The following TESK2 variants were observed in gnomAD, a reference collection of about 807,000 sequenced individuals.
The protein encoded by TESK2 is dual specificity testis-specific protein kinase 2.
Under a neutral mutation model 57.1 loss-of-function variants are expected in TESK2, and 39 were observed. The ratio of observed to expected loss-of-function variants is 0.68; its 90% CI spans 0.53 to 0.89. The LOEUF (loss-of-function observed/expected upper bound fraction) is 0.89. TESK2 is among the 40% of genes least tolerant of loss of function. TESK2 has a pLI of 0.00. For synonymous variants in TESK2, 249 were observed against 267.9 expected, an observed-to-expected ratio of 0.93 and a Z score of 0.69; for missense variants, 646 against 732.1, an observed-to-expected ratio of 0.88 and a Z score of 1.36.
chr1:45,486,985 G>T (rs1204547119), intron 1 of TESK2, among the ~76,000 whole-genome samples: 1 of 151,574 alleles, frequency 6.6e-6, no homozygotes. Flanking sequence ...ACCACGCCCA[G>T]CTAATTTTTG....
chr1:45,348,097 C>A, intron 5 of TESK2, 97 bp from the exon 6 acceptor site: 2 of 834,232 alleles, frequency 2.4e-6, no homozygotes, highest in Non-Finnish European at 4.1e-6. Flanking sequence ...CACAGGGCAC[C>A]TTGTCCTCTG....
chr1:45,369,801 T>C (rs1648101832), intron 4 of TESK2, among the ~76,000 whole-genome samples: 1 of 151,352 alleles, frequency 6.6e-6, no homozygotes, highest in Non-Finnish European at 1.5e-5. Flanking sequence ...AACCTCCACC[T>C]CCTGGGTTCA....
intron 9 of TESK2, among the ~76,000 whole-genome samples, chr1:45,346,394 T>C (rs937703676): frequency 2.6e-5 from 4 of 152,166 alleles, no homozygotes; most frequent in Non-Finnish European, 5.9e-5. Flanking sequence ...TCAGGACCAG[T>C]TGGATCCACA....
At chr1:45,451,304 G>A (rs1384785596) in intron 2 of TESK2, among the ~76,000 whole-genome samples, 1 of 152,206 alleles carries the variant, frequency 6.6e-6, no homozygotes, top group African/African-American at 2.4e-5. Context: ...CCCTTTTCAT[G>A]CTGTGTTTGA....
intron 4 of TESK2, among the ~76,000 whole-genome samples, chr1:45,360,828 T>C (rs1412204459): frequency 6.6e-6 from 1 of 152,024 alleles, no homozygotes; most frequent in African/African-American, 2.4e-5. Flanking sequence ...GATTTCTTTC[T>C]TTTTTTTGAG....
At chr1:45,434,158 T>G (rs1570726407) in intron 2 of TESK2, among the ~76,000 whole-genome samples, 1 of 152,196 alleles carries the variant, frequency 6.6e-6, no homozygotes, top group African/African-American at 2.4e-5. Context: ...CACACCCAGT[T>G]AATTTTTGTA....
intron 2 of TESK2, among the ~76,000 whole-genome samples, chr1:45,434,714 T>C (rs1216222264): frequency 6.6e-6 from 1 of 151,990 alleles, no homozygotes; most frequent in East Asian, 1.9e-4. Context: ...TACTGTTGAG[T>C]TGTTTGAGTT....
intron 3 of TESK2, among the ~76,000 whole-genome samples, chr1:45,410,664 CCACATT>C (rs376254948): frequency 6.6e-6 from 1 of 152,044 alleles, no homozygotes; most frequent in Non-Finnish European, 1.5e-5. Flanking sequence ...CACTCCACAT[CCACATT>C]CACTCACCCT....
At chr1:45,440,038 C>A (rs1651378223) in intron 2 of TESK2, among the ~76,000 whole-genome samples, 1 of 151,728 alleles carries the variant, frequency 6.6e-6, no homozygotes, top group Non-Finnish European at 1.5e-5. Flanking sequence ...TGGCTCACTG[C>A]AATCTCTGCC....
rs1475442557 is a variant in TESK2, at chr1:45,468,864, C to A, written c.-86-10993G>T. On this transcript the variant is annotated intron_variant, in intron 1 of 10. Transcript: ENST00000372086. ...TGTCCTGCCCTAAATGCCAATAATG[C>A]CCTGGTTGAGAAACACTGTGTTAGA... Among the ~76,000 whole-genome samples the A allele has an allele frequency of 3.9e-5, 6 of 152,050 alleles. No individual in the cohort carries two copies. In the East Asian group the frequency reaches 9.6e-4, roughly 24 times the overall value.
At chr1:45,410,622 T>G (rs2149283392) in intron 3 of TESK2, among the ~76,000 whole-genome samples, 1 of 152,178 alleles carries the variant, frequency 6.6e-6, no homozygotes, top group Middle Eastern at 3.4e-3. Context: ...AAAAAATTTT[T>G]TTTTAAAACA....
intron 2 of TESK2, among the ~76,000 whole-genome samples, chr1:45,442,080 G>A (rs922411037): frequency 2.0e-5 from 3 of 152,020 alleles, no homozygotes; most frequent in South Asian, 2.1e-4. Context: ...GGGATTACAC[G>A]CATGCACCAC....
intron 1 of TESK2, among the ~76,000 whole-genome samples, chr1:45,474,130 TCGAGAC>T (rs546392967): frequency 1.3e-5 from 2 of 152,088 alleles, no homozygotes; most frequent in African/African-American, 4.8e-5. Context: ...CCTCAGGAGT[TCGAGAC>T]CAGCCTGGCC....
intron 5 of TESK2, among the ~76,000 whole-genome samples, chr1:45,348,793 T>C (rs1647189997): frequency 6.6e-6 from 1 of 152,160 alleles, no homozygotes; most frequent in African/African-American, 2.4e-5. Context: ...TCCTCCTCTA[T>C]GCCACTCCTC....
intron 1 of TESK2, among the ~76,000 whole-genome samples, chr1:45,486,852 C>T (rs1653502801): frequency 8.2e-6 from 1 of 122,034 alleles, no homozygotes; most frequent in Admixed American, 8.3e-5. Flanking sequence ...GACGGACTTT[C>T]GCTCTTGTTG....
At chr1:45,401,011 G>T (rs1486423923) in intron 3 of TESK2, among the ~76,000 whole-genome samples, 1 of 138,464 alleles carries the variant, frequency 7.2e-6, no homozygotes, top group Non-Finnish European at 1.6e-5. Context: ...GGACAACAGA[G>T]CGAGACTCTG....
At chr1:45,434,863 G>A (rs950946761) in intron 2 of TESK2, among the ~76,000 whole-genome samples, 2 of 151,272 alleles carry the variant, frequency 1.3e-5, no homozygotes, top group Non-Finnish European at 2.9e-5. Flanking sequence ...CCCATTTGTC[G>A]ATTTTTGGTT....
chr1:45,398,983 G>GA (rs372886401), intron 3 of TESK2: 75,276 of 233,306 alleles, frequency 0.32, 17,279 homozygotes, highest in Non-Finnish European at 0.36. Context: ...ACTAGGACCT[G>GA]AAAAAAAAAA....
chr1:45,399,503 T>G (rs1249520959), intron 3 of TESK2, among the ~76,000 whole-genome samples: 2 of 152,138 alleles, frequency 1.3e-5, no homozygotes, highest in East Asian at 3.9e-4. Flanking sequence ...TTAGTAGAGA[T>G]GGGGTTTCTC....
Sources: allele counts gnomAD v4.1 joint callset (sites outside exome capture counted in the v4.1 genomes callset), GRCh38; gene constraint gnomAD v4.1.1; transcripts MANE v1.5; gene names NCBI Gene and HGNC (gene_info 2026-07-23, HGNC 2026-07-21).